NEO1: variants seen among roughly 807,000 people sequenced by gnomAD.
NEO1 encodes the protein neogenin.
NEO1 carries 63 observed loss-of-function variants against 159.7 expected under a neutral mutation model. That is an observed-to-expected ratio of 0.39 (90% CI 0.32 to 0.49). The LOEUF (loss-of-function observed/expected upper bound fraction) is 0.49, where lower values mean the gene tolerates loss of function less well. Among genes scored for constraint, NEO1 ranks in the 20% least tolerant of loss-of-function variants. The pLI is 0.85. For synonymous variants in NEO1, 633 were observed against 662.0 expected (o/e 0.96, Z 0.67); for missense variants, 1,615 against 1,831.0 (o/e 0.88, Z 2.15).
rs370457393 is a variant in NEO1 at position 73,301,465 on chromosome 15, C to T, written c.4302+8C>T. ...TTGGAAGACTCCGAGAGTGTAAGTT[C>T]GTGGGGCCATCAGTCCAGCCAGATT... On this transcript the variant is annotated splice_region_variant and intron_variant, in intron 28 of 28. Coordinates refer to ENST00000261908, the MANE Select transcript of NEO1 (RefSeq NM_002499.4). 2.0e-5 allele frequency: 32 copies of T among 1,613,982 alleles called. No homozygotes were observed. In the East Asian group the frequency reaches 2.0e-4, roughly 10 times the overall value.
intron 7 of NEO1, among the ~76,000 whole-genome samples, chr15:73,188,758 C>G (rs1425938558): frequency 6.6e-6 from 1 of 152,064 alleles, no homozygotes; most frequent in Non-Finnish European, 1.5e-5. Flanking sequence ...GGATACAAAC[C>G]TAATCACACA....
At chr15:73,070,247 T>C (rs985611033) in intron 1 of NEO1, among the ~76,000 whole-genome samples, 4 of 152,174 alleles carry the variant, frequency 2.6e-5, no homozygotes, top group Non-Finnish European at 4.4e-5. Context: ...TGTAATATTA[T>C]AAAGTTGATA....
intron 1 of NEO1, among the ~76,000 whole-genome samples, chr15:73,116,321 GT>G (rs139567962): frequency 6.6e-5 from 10 of 151,330 alleles, no homozygotes; most frequent in South Asian, 6.3e-4. Context: ...CAGGTAGAAG[GT>G]TTTTTTTTCC....
chr15:73,068,526 A>G (rs1453676000), intron 1 of NEO1, among the ~76,000 whole-genome samples: 1 of 151,840 alleles, frequency 6.6e-6, no homozygotes, highest in Non-Finnish European at 1.5e-5. Flanking sequence ...TCTGTCCCTC[A>G]TCTCTAATCC....
At chr15:73,110,287 A>G (rs1258964507) in intron 1 of NEO1, among the ~76,000 whole-genome samples, 1 of 152,192 alleles carries the variant, frequency 6.6e-6, no homozygotes, top group Non-Finnish European at 1.5e-5. Context: ...ATAAAGTGAT[A>G]CTTTTCTTAC....
At chr15:73,172,200 G>GT (rs1316879074) in intron 5 of NEO1, among the ~76,000 whole-genome samples, 2 of 152,222 alleles carry the variant, frequency 1.3e-5, no homozygotes, top group South Asian at 2.1e-4. Context: ...TAAATAAAAA[G>GT]TTTTTTAAAA....
intron 7 of NEO1, among the ~76,000 whole-genome samples, chr15:73,207,376 A>G (rs973487343): frequency 1.3e-5 from 2 of 152,166 alleles, no homozygotes; most frequent in African/African-American, 4.8e-5. Context: ...CCCAAATTCT[A>G]TCCCAGCAAA....
intron 16 of NEO1, among the ~76,000 whole-genome samples, chr15:73,267,920 G>T (rs1284485534): frequency 6.6e-6 from 1 of 152,064 alleles, no homozygotes; most frequent in African/African-American, 2.4e-5. Context: ...ATTCTTTATT[G>T]TCCAGTGATA....
chr15:73,298,112 C>T (rs1369304658), intron 26 of NEO1, among the ~76,000 whole-genome samples: 1 of 152,174 alleles, frequency 6.6e-6, no homozygotes, highest in Non-Finnish European at 1.5e-5. Flanking sequence ...TTTAAATCTA[C>T]AAAATTGTGA....
At chr15:73,113,394 G>A (rs576538927) in intron 1 of NEO1, among the ~76,000 whole-genome samples, 2 of 152,214 alleles carry the variant, frequency 1.3e-5, no homozygotes, top group South Asian at 4.2e-4. Context: ...ATGCTAGGTG[G>A]GTACTGGGAA....
chr15:73,111,274 G>A (rs565392294), intron 1 of NEO1, among the ~76,000 whole-genome samples: 4 of 152,176 alleles, frequency 2.6e-5, no homozygotes, highest in South Asian at 4.1e-4. Context: ...TATTTTGAAC[G>A]TACATTTTTT....
At chr15:73,294,594 C>CA (rs2042284505) in intron 26 of NEO1, among the ~76,000 whole-genome samples, 1 of 152,104 alleles carries the variant, frequency 6.6e-6, no homozygotes, top group African/African-American at 2.4e-5. Context: ...GGCTGGAGTG[C>CA]AGTGGTGCGA....
Position 73,233,607 on chromosome 15 carries a change from A to G in NEO1, c.1292-2740A>G, listed in dbSNP as rs768699887. ...CTTATAGATTCGTGGAAGTAATACA[A>G]TGTAAACATGAAAAATGGAAATAGG... is the stretch of plus-strand genomic sequence containing the variant. On this transcript the variant is annotated intron_variant, in intron 7 of 28. Transcript: ENST00000261908. Among the ~76,000 whole-genome samples the G allele has an allele frequency of 5.9e-5, 9 of 152,320 alleles. No individual in the cohort carries two copies. The South Asian group carries it at 8.3e-4, about 14-fold the overall frequency.
At chr15:73,274,970 G>A (rs1002314682) in intron 21 of NEO1, among the ~76,000 whole-genome samples, 9 of 152,078 alleles carry the variant, frequency 5.9e-5, no homozygotes, top group Non-Finnish European at 1.0e-4. Flanking sequence ...TAGGAGATTC[G>A]TCTTAAGTGT....
At chr15:73,300,410 C>A (rs1007999926) in intron 27 of NEO1, among the ~76,000 whole-genome samples, 1 of 152,170 alleles carries the variant, frequency 6.6e-6, no homozygotes, top group Non-Finnish European at 1.5e-5. Context: ...ACTCAAAACT[C>A]AAAACTATCA....
At chr15:73,131,168 GTTT>G (rs2031075667) in intron 4 of NEO1, among the ~76,000 whole-genome samples, 1 of 152,138 alleles carries the variant, frequency 6.6e-6, no homozygotes, top group South Asian at 2.1e-4. Context: ...AAATATCCAG[GTTT>G]CAGTTGAATG....
intron 7 of NEO1, among the ~76,000 whole-genome samples, chr15:73,184,906 T>A (rs2035833257): frequency 6.6e-6 from 1 of 151,782 alleles, no homozygotes; most frequent in Admixed American, 6.6e-5. Flanking sequence ...CCAGCCTGGG[T>A]GACAGAGTGA....
chr15:73,299,934 C>T (rs996272653), intron 27 of NEO1: 8 of 152,150 alleles, frequency 5.3e-5, no homozygotes, highest in African/African-American at 1.9e-4. Context: ...TTTGATACTA[C>T]AGCAAAACTC....
At chr15:73,075,533 A>G (rs2068728825) in intron 1 of NEO1, among the ~76,000 whole-genome samples, 1 of 152,156 alleles carries the variant, frequency 6.6e-6, no homozygotes, top group South Asian at 2.1e-4. Context: ...TTCAGTTGCT[A>G]TTCTGAAAGT....
Sources: allele counts gnomAD v4.1 joint callset (sites outside exome capture counted in the v4.1 genomes callset), GRCh38; gene constraint gnomAD v4.1.1; transcripts MANE v1.5; gene names NCBI Gene and HGNC (gene_info 2026-07-23, HGNC 2026-07-21).